Variants in ZSWIM6 observed in about 807,000 individuals in gnomAD.
The protein encoded by ZSWIM6 is zinc finger SWIM domain-containing protein 6.
ZSWIM6 carries 9 observed loss-of-function variants against 113.2 expected under a neutral mutation model. The observed-to-expected ratio is 0.08, with a 90% CI of 0.05 to 0.14. The LOEUF is 0.14. ZSWIM6 is among the 10% of genes least tolerant of loss of function. The pLI is 1.00. For synonymous variants in ZSWIM6, 611 were observed against 606.5 expected, an observed-to-expected ratio of 1.01 and a Z score of -0.11; for missense variants, 1,162 against 1,552.2, an observed-to-expected ratio of 0.75 and a Z score of 4.22.
At chr5:61,421,626 C>T (rs1746356943) in intron 1 of ZSWIM6, among the ~76,000 whole-genome samples, 1 of 152,206 alleles carries the variant, frequency 6.6e-6, no homozygotes, top group African/African-American at 2.4e-5. Flanking sequence ...TTCTGCTCCT[C>T]TTTCTCCTCC....
At chr5:61,427,730 T>G (rs1475887881) in intron 1 of ZSWIM6, among the ~76,000 whole-genome samples, 2 of 152,092 alleles carry the variant, frequency 1.3e-5, no homozygotes, top group Non-Finnish European at 2.9e-5. Context: ...ATCCTCCTGC[T>G]TTAGCCTCCC....
At chr5:61,428,677 G>A (rs1344946649) in intron 1 of ZSWIM6, among the ~76,000 whole-genome samples, 1 of 151,920 alleles carries the variant, frequency 6.6e-6, no homozygotes, top group Admixed American at 6.6e-5. Context: ...AGTCTCTTAG[G>A]CTATTTTATT....
chr5:61,363,271 C>T (rs372107727), intron 1 of ZSWIM6, among the ~76,000 whole-genome samples: 1 of 152,222 alleles, frequency 6.6e-6, no homozygotes, highest in East Asian at 1.9e-4. Context: ...AGAATGATTA[C>T]ATCAACTCGT....
intron 2 of ZSWIM6, among the ~76,000 whole-genome samples, chr5:61,486,144 T>G (rs1244615426): frequency 1.3e-5 from 2 of 152,150 alleles, no homozygotes; most frequent in East Asian, 3.9e-4. Context: ...TCATTGTCTA[T>G]CATTCCACAC....
At chr5:61,532,785 C>T (rs1027419742) in intron 9 of ZSWIM6, among the ~76,000 whole-genome samples, 2 of 151,820 alleles carry the variant, frequency 1.3e-5, no homozygotes, top group Non-Finnish European at 2.9e-5. Context: ...TGTTTTTTTC[C>T]CTGTAAAGAT....
chr5:61,440,526 C>G (rs932749004), intron 1 of ZSWIM6, among the ~76,000 whole-genome samples: 9 of 152,144 alleles, frequency 5.9e-5, no homozygotes, highest in African/African-American at 1.9e-4. Flanking sequence ...AAATAATTAG[C>G]AGAGCATTAA....
intron 1 of ZSWIM6, among the ~76,000 whole-genome samples, chr5:61,392,558 C>G (rs1437439628): frequency 6.6e-6 from 1 of 152,146 alleles, no homozygotes; most frequent in Admixed American, 6.5e-5. Context: ...ACGTGCCACT[C>G]TCATGATATA....
At chr5:61,358,113 G>C (rs1744957893) in intron 1 of ZSWIM6, among the ~76,000 whole-genome samples, 2 of 151,988 alleles carry the variant, frequency 1.3e-5, no homozygotes, top group South Asian at 4.2e-4. Flanking sequence ...TTATTTCCTT[G>C]CCCCCTTTAC....
At chr5:61,364,354 T>C (rs567527199) in intron 1 of ZSWIM6, among the ~76,000 whole-genome samples, 1 of 152,388 alleles carries the variant, frequency 6.6e-6, no homozygotes, top group South Asian at 2.1e-4. Flanking sequence ...CAGAAAATTA[T>C]GGCCCACAGG....
intron 1 of ZSWIM6, among the ~76,000 whole-genome samples, chr5:61,409,045 A>G (rs1418841764): frequency 7.4e-6 from 1 of 134,628 alleles, no homozygotes; most frequent in Non-Finnish European, 1.6e-5. Flanking sequence ...TTATGATTAT[A>G]GATTTTCTTT....
intron 2 of ZSWIM6, among the ~76,000 whole-genome samples, chr5:61,489,353 T>A (rs925797229): frequency 2.0e-5 from 3 of 152,060 alleles, no homozygotes; most frequent in Admixed American, 1.3e-4. Flanking sequence ...TGAGCAGTTA[T>A]TACCATTTAT....
At chr5:61,390,695 GTCTT>G (rs1745688773) in intron 1 of ZSWIM6, 2 of 859,488 alleles carry the variant, frequency 2.3e-6, no homozygotes, top group Non-Finnish European at 4.0e-6. Flanking sequence ...TTGCAATTCG[GTCTT>G]TCTTGAGTGG....
intron 1 of ZSWIM6, among the ~76,000 whole-genome samples, chr5:61,376,958 C>A (rs1274945461): frequency 6.7e-5 from 10 of 150,166 alleles, no homozygotes; most frequent in African/African-American, 2.2e-4. Flanking sequence ...CTGAGACTTA[C>A]AATAACAAGT....
chr5:61,542,854 A>T (rs1333119032), intron 13 of ZSWIM6, among the ~76,000 whole-genome samples: 1 of 152,138 alleles, frequency 6.6e-6, no homozygotes, highest in African/African-American at 2.4e-5. Context: ...CTTCTCTTCA[A>T]ATCATTCACT....
chr5:61,524,923 G>A (rs987233659), intron 5 of ZSWIM6, among the ~76,000 whole-genome samples: 2 of 152,248 alleles, frequency 1.3e-5, no homozygotes, highest in African/African-American at 4.8e-5. Context: ...TGTGCAGGTA[G>A]AATTTGAACC....
At chr5:61,536,795 A>G (rs1028954012) in intron 10 of ZSWIM6, among the ~76,000 whole-genome samples, 3 of 152,194 alleles carry the variant, frequency 2.0e-5, no homozygotes, top group Non-Finnish European at 4.4e-5. Flanking sequence ...CCTTGGCAAT[A>G]TGGAATCTTA....
At chr5:61,429,140 TTG>T (rs1746527069) in intron 1 of ZSWIM6, among the ~76,000 whole-genome samples, 1 of 152,246 alleles carries the variant, frequency 6.6e-6, no homozygotes, top group African/African-American at 2.4e-5. Context: ...TGCTACTCAT[TTG>T]AGGTTCATAT....
chr5:61,528,867 C>T (rs1427479979), intron 7 of ZSWIM6, among the ~76,000 whole-genome samples: 2 of 152,292 alleles, frequency 1.3e-5, no homozygotes, highest in Admixed American at 1.3e-4. Flanking sequence ...AGATTACAGG[C>T]GTGAGCCACC....
chr5:61,446,857 T>C (rs371506862), intron 1 of ZSWIM6, among the ~76,000 whole-genome samples: 24 of 152,036 alleles, frequency 1.6e-4, no homozygotes, highest in South Asian at 2.1e-4. Context: ...CACACACACA[T>C]GCACACAGAA....
Sources: gnomAD v4.1 joint callset for allele counts (sites outside exome capture counted in the v4.1 genomes callset) on GRCh38, gnomAD v4.1.1 for gene constraint, MANE v1.5 for transcripts, NCBI Gene and HGNC (gene_info 2026-07-23, HGNC 2026-07-21) for gene names.